CUTC: variants seen among roughly 807,000 people sequenced by gnomAD.
CUTC encodes cutC copper transporter, also known as copper homeostasis protein cutC homolog.
Under a neutral mutation model 36.2 loss-of-function variants are expected in CUTC, and 27 were observed. The observed-to-expected ratio is 0.75, with a 90% CI of 0.55 to 1.03. CUTC has a LOEUF of 1.03. Ranked by LOEUF, CUTC falls within the 50% of genes least tolerant of loss-of-function variation. CUTC has a pLI of 0.00. For missense variants in CUTC, 315 were observed against 343.5 expected (o/e 0.92, Z 0.66); for synonymous variants, 114 against 118.3 (o/e 0.96, Z 0.24).
chr10:99,736,903 A>T (rs1462186352), intron 2 of CUTC, among the ~76,000 whole-genome samples: 1 of 152,216 alleles, frequency 6.6e-6, no homozygotes, highest in East Asian at 1.9e-4. Context: ...GAAGAGCTGC[A>T]TAGTATATAT....
intron 1 of CUTC, 133 bp from the exon 2 acceptor site, chr10:99,736,113 G>T: frequency 1.6e-6 from 1 of 634,152 alleles, no homozygotes; most frequent in South Asian, 2.0e-5. Context: ...TTGCATTCAT[G>T]GGCCCTAGTG....
At chr10:99,740,536 CT>C (rs1220232538) in intron 3 of CUTC, among the ~76,000 whole-genome samples, 2 of 151,892 alleles carry the variant, frequency 1.3e-5, no homozygotes, top group Admixed American at 1.3e-4. Flanking sequence ...TGTAATATGT[CT>C]CTTTTTTCTA....
At position 99,732,270 on chromosome 10, in the gene CUTC, C is replaced by G. The variant is rs1177173445; in HGVS notation, c.-79C>G. On this transcript the variant is annotated 5_prime_UTR_variant, in exon 1 of 9. Coordinates refer to ENST00000370476, the MANE Select transcript of CUTC (RefSeq NM_015960.3). ...GCGCACGGGCGCGCGCAGCTGTTGA[C>G]GCGCTTCTTAGCTGGTGCGCGCCGG... 9.8e-6 allele frequency: 15 copies of G among 1,538,118 alleles called. No homozygotes were observed. In the East Asian group the frequency reaches 2.5e-4, roughly 25 times the overall value.
intron 2 of CUTC, among the ~76,000 whole-genome samples, chr10:99,737,868 G>C (rs1564655360): frequency 6.7e-6 from 1 of 150,164 alleles, no homozygotes. Context: ...AAAGACTCTT[G>C]CCGGGCGCGG....
At position 99,750,395 on chromosome 10, in the gene CUTC, A is replaced by T; in HGVS notation, c.600A>T (p.Pro200=). ...EQAKGRIVVM[P]GGGITDRNLQ... is the part of the protein sequence containing the mutation. Reference sequence around the variant, plus strand: ...CAAAAGGCAGGATTGTGGTAATGCCAGGTATTTATTTATCTATCAATTCAC... The same window carrying T: ...CAAAAGGCAGGATTGTGGTAATGCCTGGTATTTATTTATCTATCAATTCAC... The change falls in exon 7 of 9, where the codon CCA becomes CCT. Residue 200 remains proline (P), a splice_region_variant and synonymous_variant. Coordinates refer to ENST00000370476, the MANE Select transcript of CUTC (RefSeq NM_015960.3). 6.3e-7 allele frequency: 1 copy of T among 1,588,160 alleles called. No homozygotes were observed. Among genetic ancestry groups the T allele is most frequent in the Non-Finnish European group, 8.5e-7 (1 of 1,171,832 alleles).
At chr10:99,735,644 G>A (rs1236414416) in intron 1 of CUTC, among the ~76,000 whole-genome samples, 1 of 152,176 alleles carries the variant, frequency 6.6e-6, no homozygotes, top group African/African-American at 2.4e-5. Context: ...CTGACCTCAT[G>A]TGATCCACCC....
At chr10:99,739,565 GAGT>G (rs2037323644) in intron 2 of CUTC, 142 bp from the exon 3 acceptor site, 1 of 706,962 alleles carries the variant, frequency 1.4e-6, no homozygotes, top group African/African-American at 1.8e-5. Context: ...GTTAAAAACA[GAGT>G]TTTACTCTAG....
chr10:99,753,913 T>C (rs1265442091), intron 7 of CUTC, among the ~76,000 whole-genome samples: 1 of 152,244 alleles, frequency 6.6e-6, no homozygotes, highest in Admixed American at 6.5e-5. Context: ...TTCATATTTA[T>C]GATACACTAG....
At chr10:99,738,017 A>G (rs1029412309) in intron 2 of CUTC, among the ~76,000 whole-genome samples, 13 of 151,966 alleles carry the variant, frequency 8.6e-5, no homozygotes, top group African/African-American at 3.1e-4. Context: ...GTGGTAGTGC[A>G]TGCCTGTAAT....
intron 7 of CUTC, among the ~76,000 whole-genome samples, chr10:99,752,600 A>G (rs542631351): frequency 3.9e-5 from 6 of 152,292 alleles, no homozygotes; most frequent in Non-Finnish European, 4.4e-5. Context: ...TACTTAGACA[A>G]TTGTTGACAT....
At chr10:99,744,898 G>T (rs1267530826) in intron 5 of CUTC, among the ~76,000 whole-genome samples, 1 of 152,076 alleles carries the variant, frequency 6.6e-6, no homozygotes, top group Non-Finnish European at 1.5e-5. Flanking sequence ...GATTACAGGC[G>T]CCTGCCACCA....
At chr10:99,735,802 C>T (rs1306531550) in intron 1 of CUTC, among the ~76,000 whole-genome samples, 1 of 152,186 alleles carries the variant, frequency 6.6e-6, no homozygotes, top group Non-Finnish European at 1.5e-5. Flanking sequence ...TAAAATCTAC[C>T]TTGTTTTATA....
At chr10:99,748,941 A>G (rs901158452) in intron 6 of CUTC, among the ~76,000 whole-genome samples, 3 of 152,196 alleles carry the variant, frequency 2.0e-5, no homozygotes, top group Non-Finnish European at 2.9e-5. Flanking sequence ...TTATTAAAGT[A>G]TTTATTTTCA....
At chr10:99,735,857 T>G (rs2037292805) in intron 1 of CUTC, among the ~76,000 whole-genome samples, 1 of 152,212 alleles carries the variant, frequency 6.6e-6, no homozygotes, top group Admixed American at 6.5e-5. Flanking sequence ...AAATAGTTGG[T>G]GGGACATGGA....
intron 3 of CUTC, among the ~76,000 whole-genome samples, chr10:99,742,708 A>T (rs1002575689): frequency 5.2e-5 from 7 of 134,910 alleles, no homozygotes; most frequent in African/African-American, 8.1e-5. Context: ...TATCTTGTTT[A>T]AAAAAAAAAA....
intron 3 of CUTC, among the ~76,000 whole-genome samples, chr10:99,741,136 G>C (rs7085325): frequency 0.96 from 146,900 of 152,346 alleles, 71,043 homozygotes; most frequent in East Asian, 1. Context: ...TACTTTATTG[G>C]TTACTAGACA....
chr10:99,750,887 G>A (rs541598157), intron 7 of CUTC, among the ~76,000 whole-genome samples: 1 of 152,270 alleles, frequency 6.6e-6, no homozygotes, highest in South Asian at 2.1e-4. Flanking sequence ...TTAATCATAT[G>A]ATCCTGATGA....
intron 1 of CUTC, among the ~76,000 whole-genome samples, chr10:99,735,455 T>A (rs921541772): frequency 3.3e-5 from 5 of 152,184 alleles, no homozygotes; most frequent in Admixed American, 1.3e-4. Flanking sequence ...TCACCCAGGC[T>A]GGAGTGCAGT....
At chr10:99,755,477 A>C in intron 8 of CUTC, 148 bp from the exon 9 acceptor site, 1 of 587,670 alleles carries the variant, frequency 1.7e-6, no homozygotes, top group Non-Finnish European at 3.0e-6. Flanking sequence ...TGGATGTTTC[A>C]AGTAATTAAT....
Sources: allele counts gnomAD v4.1 joint callset (sites outside exome capture counted in the v4.1 genomes callset), GRCh38; gene constraint gnomAD v4.1.1; transcripts MANE v1.5; gene names NCBI Gene and HGNC (gene_info 2026-07-23, HGNC 2026-07-21).